The following SUSD1 variants were observed in gnomAD, a reference collection of about 807,000 sequenced individuals.
SUSD1 encodes the protein sushi domain containing 1, also known as sushi domain-containing protein 1.
A neutral mutation model predicts 86.9 loss-of-function variants in SUSD1; 65 were observed. That is an observed-to-expected ratio of 0.75 (90% CI 0.61 to 0.92). The LOEUF is 0.92. Among genes scored for constraint, SUSD1 ranks in the 40% least tolerant of loss-of-function variants. The probability of loss-of-function intolerance (pLI) is 0.00; values close to 1 mark genes in which losing one functional copy is unlikely to be tolerated. For missense variants in SUSD1, 850 were observed against 929.7 expected, an observed-to-expected ratio of 0.91 and a Z score of 1.11; for synonymous variants, 346 against 350.0, an observed-to-expected ratio of 0.99 and a Z score of 0.13.
chr9:112,058,492 T>G lies in SUSD1; in HGVS notation c.2045A>C (p.Asn682Thr). 6.2e-7 allele frequency: 1 copy of G among 1,614,192 alleles called. No homozygotes were observed. Among genetic ancestry groups the G allele is most frequent in the Middle Eastern group, 1.6e-4 (1 of 6,062 alleles). ...GDRLYYGEYY[N>T]APLKRGSDYC... The stretch of plus-strand genomic sequence containing the variant: ...ATCACTCCCTCTTTTCAAGGGTGCA[T>G]TATAATATTCCCCATAGTACAGCCT... Residue 682 changes from asparagine to threonine, a missense_variant, in exon 14 of 17, where the codon AAT becomes ACT. By Grantham distance (65) the Asn-to-Thr change is moderately conservative (BLOSUM62 0). Transcript: ENST00000374270.
intron 1 of SUSD1, among the ~76,000 whole-genome samples, chr9:112,174,157 G>A (rs1178489445): frequency 1.3e-5 from 2 of 151,890 alleles, no homozygotes; most frequent in Non-Finnish European, 2.9e-5. Context: ...TTCTCCCCCG[G>A]GCCTGAATTC....
At chr9:112,132,497 A>T (rs700101) in intron 5 of SUSD1, among the ~76,000 whole-genome samples, 69,042 of 152,046 alleles carry the variant, frequency 0.45, 16,358 homozygotes, top group African/African-American at 0.59. Flanking sequence ...GAAATAAGTC[A>T]CTAGCATGCC....
At chr9:112,095,776 C>G (rs1324472248) in intron 10 of SUSD1, among the ~76,000 whole-genome samples, 3 of 152,152 alleles carry the variant, frequency 2.0e-5, no homozygotes, top group Non-Finnish European at 4.4e-5. Context: ...GGGAAGGAAG[C>G]ATGCAAGATG....
At chr9:112,124,809 A>T (rs1294830510) in intron 5 of SUSD1, among the ~76,000 whole-genome samples, 3 of 152,204 alleles carry the variant, frequency 2.0e-5, no homozygotes, top group Non-Finnish European at 4.4e-5. Context: ...TGTTAAATAG[A>T]AGATATTCAA....
At chr9:112,052,215 T>C in intron 15 of SUSD1, 184 bp downstream of exon 15, 1 of 1,526,432 alleles carries the variant, frequency 6.6e-7, no homozygotes, top group Non-Finnish European at 8.8e-7. Context: ...CTTTGTATAA[T>C]TCCATAAGCT....
intron 14 of SUSD1, among the ~76,000 whole-genome samples, chr9:112,053,197 T>G (rs2118909874): frequency 6.6e-6 from 1 of 152,218 alleles, no homozygotes; most frequent in African/African-American, 2.4e-5. Flanking sequence ...TTATTAATTT[T>G]TTTTTTAATT....
At chr9:112,047,661 GGTGA>G (rs1200318382) in intron 15 of SUSD1, among the ~76,000 whole-genome samples, 1 of 152,172 alleles carries the variant, frequency 6.6e-6, no homozygotes, top group African/African-American at 2.4e-5. Context: ...CTCTCTCAGA[GGTGA>G]GTGAGTTCTT....
At chr9:112,144,356 C>G (rs922970821) in intron 3 of SUSD1, among the ~76,000 whole-genome samples, 3 of 151,742 alleles carry the variant, frequency 2.0e-5, no homozygotes, top group Non-Finnish European at 4.4e-5. Context: ...TATCCAGTCA[C>G]TATAAATATA....
intron 12 of SUSD1, among the ~76,000 whole-genome samples, chr9:112,071,518 T>G (rs1829270424): frequency 6.6e-6 from 1 of 152,056 alleles, no homozygotes; most frequent in South Asian, 2.1e-4. Context: ...ATTTGTAATA[T>G]TTATCAAAAT....
intron 15 of SUSD1, among the ~76,000 whole-genome samples, chr9:112,045,162 T>G (rs1019614341): frequency 5.4e-5 from 8 of 148,782 alleles, no homozygotes; most frequent in Admixed American, 4.8e-4. Flanking sequence ...GTTTTGTTTT[T>G]AAGAGAAAAT....
chr9:112,091,807 G>A (rs1206572250), intron 10 of SUSD1, among the ~76,000 whole-genome samples: 1 of 152,122 alleles, frequency 6.6e-6, no homozygotes, highest in African/African-American at 2.4e-5. Flanking sequence ...GTTCAAAGCT[G>A]GGAGCTTTAC....
At chr9:112,154,229 C>T (rs113654705) in intron 2 of SUSD1, among the ~76,000 whole-genome samples, 4,124 of 151,822 alleles carry the variant, frequency 0.027, 163 homozygotes, top group Admixed American at 0.11. Context: ...TAGCTCACAC[C>T]TGTAATCCCA....
chr9:112,046,258 T>A (rs899464704), intron 15 of SUSD1, among the ~76,000 whole-genome samples: 1 of 152,236 alleles, frequency 6.6e-6, no homozygotes, highest in African/African-American at 2.4e-5. Context: ...CAAATTTGAA[T>A]TGTATTTTTT....
At position 112,175,089 on chromosome 9, in the gene SUSD1, G is replaced by C. The variant is rs1464823152; in HGVS notation, c.103+44C>G. The C allele has an allele frequency of 1.0e-6, 1 of 1,002,402 alleles. No individual in the cohort carries two copies. Among genetic ancestry groups the C allele is most frequent in the African/African-American group, 1.7e-5 (1 of 57,258 alleles). 62.1% of individuals were successfully genotyped at this position (1,002,402 alleles called of 1,614,324 possible). A position where few individuals can be genotyped will look rare whatever the true frequency, so the allele number is the denominator to read the frequency against. ...CGCCCAGAGTCCTCGAGGCCCAGCC[G>C]GGGGCCCCGCCGGCCGCCCGTGCCC... On this transcript the variant is annotated intron_variant, in intron 1 of 16. Coordinates refer to ENST00000374270, the MANE Select transcript of SUSD1 (RefSeq NM_022486.5). The surrounding 1 kb of genome is among the most constrained non-coding windows in gnomAD (Gnocchi z 4.7).
chr9:112,107,640 C>T (rs529610746), intron 8 of SUSD1, among the ~76,000 whole-genome samples: 26 of 152,168 alleles, frequency 1.7e-4, no homozygotes, highest in Admixed American at 2.6e-4. Context: ...AAAAAGTAGA[C>T]AAAGGCATAT....
chr9:112,110,243 G>A (rs1366574225), intron 8 of SUSD1, among the ~76,000 whole-genome samples: 1 of 152,164 alleles, frequency 6.6e-6, no homozygotes, highest in Non-Finnish European at 1.5e-5. Flanking sequence ...CAGCTACTCA[G>A]AAGGCTGAGG....
intron 12 of SUSD1, among the ~76,000 whole-genome samples, chr9:112,068,550 A>G (rs1268485901): frequency 6.6e-6 from 1 of 152,142 alleles, no homozygotes; most frequent in Non-Finnish European, 1.5e-5. Context: ...AAAATGTTTT[A>G]AATTAGTCAG....
chr9:112,168,029 T>C (rs1357101275), intron 1 of SUSD1, among the ~76,000 whole-genome samples: 1 of 152,138 alleles, frequency 6.6e-6, no homozygotes, highest in African/African-American at 2.4e-5. Flanking sequence ...TTGAATCATC[T>C]CTCCCTGGGT....
chr9:112,150,236 T>A (rs577161945), intron 2 of SUSD1, among the ~76,000 whole-genome samples: 1 of 152,330 alleles, frequency 6.6e-6, no homozygotes, highest in South Asian at 2.1e-4. Context: ...CAGGTCGAAC[T>A]TGGCCCATGG....
Sources: allele counts gnomAD v4.1 joint callset (sites outside exome capture counted in the v4.1 genomes callset), GRCh38; gene constraint gnomAD v4.1.1; non-coding constraint Gnocchi (gnomAD v3.1); transcripts MANE v1.5; gene names NCBI Gene and HGNC (gene_info 2026-07-23, HGNC 2026-07-21).